CPLX2: variants seen among roughly 807,000 people sequenced by gnomAD.
CPLX2 encodes complexin-2.
CPLX2 carries 5 observed loss-of-function variants against 16.3 expected under a neutral mutation model. That is an observed-to-expected ratio of 0.31 (90% CI 0.16 to 0.64). The LOEUF (loss-of-function observed/expected upper bound fraction) is 0.64. Among genes scored for constraint, CPLX2 ranks in the 30% least tolerant of loss-of-function variants. The pLI is 0.79. For synonymous variants in CPLX2, 89 were observed against 73.2 expected (o/e 1.22, Z -1.10); for missense variants, 144 against 181.4 (o/e 0.79, Z 1.18).
intron 1 of CPLX2, among the ~76,000 whole-genome samples, chr5:175,808,350 GC>G (rs1758250715): frequency 6.6e-6 from 1 of 151,984 alleles, no homozygotes; most frequent in Admixed American, 6.5e-5. Flanking sequence ...AATCTGCCCG[GC>G]CCCGTGCAGA....
chr5:175,831,278 T>C (rs1390718343), intron 2 of CPLX2, among the ~76,000 whole-genome samples: 1 of 152,074 alleles, frequency 6.6e-6, no homozygotes, highest in Non-Finnish European at 1.5e-5. Context: ...CCCTCCCTTC[T>C]CTCCCCACTG....
chr5:175,854,272 G>T (rs199569146), intron 2 of CPLX2, among the ~76,000 whole-genome samples: 7 of 152,094 alleles, frequency 4.6e-5, no homozygotes, highest in Non-Finnish European at 8.8e-5. Context: ...CCAGGCCTTC[G>T]TTTGCTGGAT....
chr5:175,851,494 C>A (rs1183939539), intron 2 of CPLX2, among the ~76,000 whole-genome samples: 1 of 152,190 alleles, frequency 6.6e-6, no homozygotes, highest in East Asian at 1.9e-4. Context: ...AGATTTCCCC[C>A]ACAAGAAGTC....
chr5:175,833,944 T>C (rs1235008072), intron 2 of CPLX2, among the ~76,000 whole-genome samples: 1 of 152,074 alleles, frequency 6.6e-6, no homozygotes, highest in East Asian at 1.9e-4. Context: ...GGGCACTTAG[T>C]TTCCATGCAT....
intron 2 of CPLX2, among the ~76,000 whole-genome samples, chr5:175,834,031 T>C (rs1310734149): frequency 6.6e-6 from 1 of 152,190 alleles, no homozygotes; most frequent in African/African-American, 2.4e-5. Context: ...AGATTTTGCT[T>C]CAGGGTAAAT....
intron 2 of CPLX2, among the ~76,000 whole-genome samples, chr5:175,835,899 T>C (rs1758823700): frequency 6.6e-6 from 1 of 151,802 alleles, no homozygotes; most frequent in Non-Finnish European, 1.5e-5. Flanking sequence ...CCATCACGCC[T>C]AGCTAAGTTT....
chr5:175,862,125 A>G (rs1403049561), intron 2 of CPLX2, among the ~76,000 whole-genome samples: 1 of 152,222 alleles, frequency 6.6e-6, no homozygotes, highest in African/African-American at 2.4e-5. Flanking sequence ...GAAGAGACAG[A>G]AATTTGTGTA....
rs745751785 is a variant in CPLX2, at chr5:175,845,979, C to T, written c.-88-32673C>T. ...AAGATGCAGATGGCCTGTCCCCTCA[C>T]CTCCTGAAATCAATCAGGGCGAGAC... On this transcript the variant is annotated intron_variant, in intron 2 of 4. Coordinates refer to the CPLX2 transcript ENST00000359546. The surrounding 1 kb of genome is among the most constrained non-coding windows in gnomAD (Gnocchi z 4.0). Among the ~76,000 whole-genome samples, 2 of 152,188 alleles carry T rather than the reference C, an allele frequency of 1.3e-5. No homozygotes were observed. The highest frequency in any genetic ancestry group is 2.9e-5 in the Non-Finnish European group (2 of 68,034).
At chr5:175,815,024 G>A (rs1281517104) in intron 2 of CPLX2, among the ~76,000 whole-genome samples, 1 of 152,232 alleles carries the variant, frequency 6.6e-6, no homozygotes, top group Non-Finnish European at 1.5e-5. Flanking sequence ...AGGAGGAGGA[G>A]TGGATTCTGG....
At chr5:175,832,261 G>T (rs1274813475) in intron 2 of CPLX2, among the ~76,000 whole-genome samples, 1 of 152,192 alleles carries the variant, frequency 6.6e-6, no homozygotes, top group African/African-American at 2.4e-5. Context: ...AGTGCCATGA[G>T]GAATGGAGAA....
chr5:175,816,321 C>G (rs1487199079), intron 2 of CPLX2, among the ~76,000 whole-genome samples: 1 of 152,192 alleles, frequency 6.6e-6, no homozygotes, highest in East Asian at 1.9e-4. Context: ...GCCCGCATCA[C>G]CATGCCCAGC....
upstream of CPLX2, among the ~76,000 whole-genome samples, chr5:175,868,557 C>T (rs1224373746): frequency 1.3e-5 from 2 of 152,186 alleles, no homozygotes; most frequent in Non-Finnish European, 2.9e-5. Flanking sequence ...CTCTTAGAAG[C>T]TGTCTACAGA....
chr5:175,878,397 C>A (rs1364982946), intron 1 of CPLX2: 6 of 377,800 alleles, frequency 1.6e-5, no homozygotes, highest in Non-Finnish European at 2.9e-5. Context: ...TCAATCAAAT[C>A]TGAACAATAG....
At chr5:175,839,470 A>T (rs1326456642) in intron 2 of CPLX2, among the ~76,000 whole-genome samples, 1 of 151,972 alleles carries the variant, frequency 6.6e-6, no homozygotes, top group African/African-American at 2.4e-5. Flanking sequence ...ATTTTAATAG[A>T]GATGGGGTTT....
At position 175,826,526 on chromosome 5, in the gene CPLX2, G is replaced by A. The variant is rs993086621; in HGVS notation, c.-89+17458G>A. Among the ~76,000 whole-genome samples the A allele has an allele frequency of 1.5e-4, 23 of 152,302 alleles. No homozygotes were observed. The South Asian group carries it at 3.9e-3, about 26-fold the overall frequency. On this transcript the variant is annotated intron_variant, in intron 2 of 4. Transcript: ENST00000359546. ...GAAGCAGATGTTCCCAAGCAAAAGC[G>A]ATAGGCCAGCAGGAATCAGACGGAC...
chr5:175,844,714 G>A (rs1031830281), intron 2 of CPLX2, among the ~76,000 whole-genome samples: 1 of 152,228 alleles, frequency 6.6e-6, no homozygotes, highest in Non-Finnish European at 1.5e-5. Flanking sequence ...GCAACTCCAC[G>A]AACAGAGGGA....
chr5:175,860,502 GAAAGAAAGAAAGA>G (rs1561786353), intron 2 of CPLX2, among the ~76,000 whole-genome samples: 1,358 of 22,822 alleles, frequency 0.06, 17 homozygotes, highest in East Asian at 0.2. Flanking sequence ...AGAAAGAAAA[GAAAGAAAGAAAGA>G]AAAAGAAAGA....
In CPLX2 at chr5:175,880,040, A is replaced by T; in HGVS notation, c.400A>T (p.Lys134Ter). 6.2e-7 allele frequency: 1 copy of T among 1,612,010 alleles called. No individual in the cohort carries two copies. Among genetic ancestry groups the T allele is most frequent in the Non-Finnish European group, 8.5e-7 (1 of 1,179,074 alleles). The stretch of plus-strand genomic sequence containing the variant: ...CGGGCCGCTGCAGGACATGTTCAAG[A>T]AGTAACCAGGCCTCCTGCCCCAGCC... ...LPGPLQDMFKK is the reference protein window; with the variant it reads ...LPGPLQDMFK Residue 134 changes from lysine (K) to a stop codon, truncating the protein, a stop_gained, in exon 4 of 4, where the codon AAG becomes TAG. Coordinates refer to ENST00000393745, the MANE Select transcript of CPLX2 (RefSeq NM_001008220.2). LOFTEE classifies it high-confidence loss of function.
intron 2 of CPLX2, among the ~76,000 whole-genome samples, chr5:175,817,263 C>A (rs575458546): frequency 1.3e-5 from 2 of 152,356 alleles, no homozygotes; most frequent in East Asian, 3.9e-4. Context: ...AATTCCAGTT[C>A]TTTCCTAGTA....
Sources: gnomAD v4.1 joint callset for allele counts (sites outside exome capture counted in the v4.1 genomes callset) on GRCh38, gnomAD v4.1.1 for gene constraint, Gnocchi (gnomAD v3.1) non-coding constraint, MANE v1.5 for transcripts, NCBI Gene and HGNC (gene_info 2026-07-23, HGNC 2026-07-21) for gene names.